The following DNAI4 variants were observed in gnomAD, a reference collection of about 807,000 sequenced individuals.
DNAI4 encodes dynein axonemal intermediate chain 4.
Under a neutral mutation model 105.8 loss-of-function variants are expected in DNAI4, and 85 were observed. The observed-to-expected ratio is 0.80, with a 90% CI of 0.67 to 0.96. The LOEUF (loss-of-function observed/expected upper bound fraction) is 0.96, where lower values mean the gene tolerates loss of function less well. Ranked by LOEUF, DNAI4 falls within the 40% of genes least tolerant of loss-of-function variation. The pLI is 0.00. For synonymous variants in DNAI4, 352 were observed against 331.5 expected, an observed-to-expected ratio of 1.06 and a Z score of -0.67; for missense variants, 1,014 against 1,005.6, an observed-to-expected ratio of 1.01 and a Z score of -0.11.
At chr1:66,836,838 C>G (rs916556954) in intron 10 of DNAI4, among the ~76,000 whole-genome samples, 1 of 152,180 alleles carries the variant, frequency 6.6e-6, no homozygotes, top group East Asian at 1.9e-4. Flanking sequence ...TGACCCTTCT[C>G]TAAGTTTTCC....
intron 2 of DNAI4, among the ~76,000 whole-genome samples, chr1:66,896,928 G>A (rs1039805316): frequency 2.6e-5 from 4 of 152,206 alleles, no homozygotes; most frequent in Non-Finnish European, 5.9e-5. Context: ...TGTAGAAGTG[G>A]CTTTGGAACT....
intron 8 of DNAI4, among the ~76,000 whole-genome samples, chr1:66,841,121 A>G (rs561289335): frequency 1.5e-4 from 23 of 152,032 alleles, no homozygotes; most frequent in Non-Finnish European, 1.8e-4. Flanking sequence ...TACTTCCCAC[A>G]CTCTGACAGG....
rs1051650981 is a variant in DNAI4 at position 66,851,121 on chromosome 1, A to G, written c.1097-3443T>C. ...ACAATAAATTTATTTCAAATATACAATGTAGATAGGTTGAAAGTAAACAAA... is the reference window on the plus strand; with the variant it reads ...ACAATAAATTTATTTCAAATATACAGTGTAGATAGGTTGAAAGTAAACAAA... On this transcript the variant is annotated intron_variant, in intron 7 of 16. Transcript: ENST00000371026. Among the ~76,000 whole-genome samples the G allele has an allele frequency of 8.6e-5, 13 of 151,932 alleles. 1 individual carries two copies. The highest frequency in any genetic ancestry group is 7.2e-4 in the Admixed American group (11 of 15,250).
chr1:66,843,202 A>AC (rs1267908831), intron 8 of DNAI4, among the ~76,000 whole-genome samples: 53 of 118,408 alleles, frequency 4.5e-4, no homozygotes, highest in Non-Finnish European at 8.6e-4. Flanking sequence ...TCTGTCTCAA[A>AC]AAAAAAAAAA....
At chr1:66,845,020 C>G (rs1646240380) in intron 8 of DNAI4, among the ~76,000 whole-genome samples, 1 of 151,546 alleles carries the variant, frequency 6.6e-6, no homozygotes, top group South Asian at 2.1e-4. Context: ...ACGGTGAAAC[C>G]CGGTCTCTAC....
intron 6 of DNAI4, among the ~76,000 whole-genome samples, chr1:66,867,205 T>A (rs1036451975): frequency 1.3e-5 from 2 of 152,214 alleles, no homozygotes; most frequent in Non-Finnish European, 2.9e-5. Flanking sequence ...TCTGATGTCT[T>A]GTTCTCTACA....
intron 2 of DNAI4, among the ~76,000 whole-genome samples, chr1:66,894,475 T>C (rs1213233122): frequency 6.6e-6 from 1 of 152,260 alleles, no homozygotes; most frequent in East Asian, 1.9e-4. Context: ...TATGGTATAT[T>C]TGATGAATAT....
In DNAI4 at chr1:66,875,178, A is replaced by G. The variant is rs372928892; in HGVS notation, c.644-241T>C. Among the ~76,000 whole-genome samples, 12 of 152,278 alleles carry G rather than the reference A, an allele frequency of 7.9e-5. No individual in the cohort carries two copies. In the South Asian group the frequency reaches 1.9e-3, roughly 24 times the overall value. ...CTACCCCAGTCTAATACCAATAGTCATAACTCTAAGGGTATTCCATTATAA... is the reference window on the plus strand; with the variant it reads ...CTACCCCAGTCTAATACCAATAGTCGTAACTCTAAGGGTATTCCATTATAA... On this transcript the variant is annotated intron_variant, in intron 4 of 16. Transcript: ENST00000371026.
intron 7 of DNAI4, among the ~76,000 whole-genome samples, chr1:66,855,189 A>T (rs1646475700): frequency 6.6e-6 from 1 of 152,112 alleles, no homozygotes; most frequent in Non-Finnish European, 1.5e-5. Context: ...CCCAGAACCC[A>T]CTGAAATTAC....
rs777239898 is a variant in DNAI4 at position 66,833,698 on chromosome 1, G to A, written c.1900C>T (p.Arg634Ter). Residue 634 changes from arginine (R) to a stop codon, truncating the protein, a stop_gained, in exon 13 of 17, where the codon CGA (arginine) becomes TGA (stop). Coordinates refer to ENST00000371026, the MANE Select transcript of DNAI4 (RefSeq NM_024763.5). LOFTEE classifies it high-confidence loss of function. ...RKGLDCYDLM[R>*]LKRTTAASNK... ...CTGGCAGCTGTAGTTCTCTTTAATC[G>A]CATCAAATCTGTATTTAAAGAAAAA... is the stretch of plus-strand genomic sequence containing the variant. The A allele has an allele frequency of 5.9e-5, 95 of 1,610,266 alleles. No individual in the cohort carries two copies. Among genetic ancestry groups the A allele is most frequent in the East Asian group, 8.9e-5 (4 of 44,790 alleles).
chr1:66,876,797 G>A (rs1053599359), intron 4 of DNAI4, among the ~76,000 whole-genome samples: 5 of 151,550 alleles, frequency 3.3e-5, no homozygotes, highest in Admixed American at 3.3e-4. Flanking sequence ...TGCTCCTCTT[G>A]ACTGCCAATG....
Position 66,835,626 on chromosome 1 carries a change from C to T in DNAI4, c.1733G>A (p.Ser578Asn), listed in dbSNP as rs1306488062. Reference protein sequence around the residue: ...SNSNVPVLDSSESPQKHLGPV... With the variant: ...SNSNVPVLDSNESPQKHLGPV... Reference sequence around the variant, plus strand: ...ATTTATCTAATTCTCGGATTCTTACCTACTATCCAGAACTGGAACATTACT... The same window carrying T: ...ATTTATCTAATTCTCGGATTCTTACTTACTATCCAGAACTGGAACATTACT... The change falls in exon 11 of 17, where the codon AGT becomes AAT. Residue 578 changes from serine to asparagine, a missense_variant and splice_region_variant. By Grantham distance (46) the Ser-to-Asn change is conservative. Coordinates refer to ENST00000371026, the MANE Select transcript of DNAI4 (RefSeq NM_024763.5). 1 of 1,613,494 alleles carries T rather than the reference C, an allele frequency of 6.2e-7. No homozygotes were observed. Among genetic ancestry groups the T allele is most frequent in the Non-Finnish European group, 8.5e-7 (1 of 1,179,812 alleles).
intron 16 of DNAI4, among the ~76,000 whole-genome samples, 178 bp downstream of exon 16, chr1:66,822,183 G>GA (rs34707377): frequency 3.8e-4 from 56 of 147,390 alleles, no homozygotes; most frequent in East Asian, 1.8e-3. Flanking sequence ...AGACGAGGCT[G>GA]AAAAAAAAAA....
intron 6 of DNAI4, among the ~76,000 whole-genome samples, chr1:66,869,392 C>A (rs2100647245): frequency 6.6e-6 from 1 of 151,786 alleles, no homozygotes; most frequent in South Asian, 2.1e-4. Flanking sequence ...AAGTTACATA[C>A]AGTAATCCAT....
At chr1:66,905,164 C>A in intron 2 of DNAI4, 37 bp downstream of exon 2, 1 of 1,415,916 alleles carries the variant, frequency 7.1e-7, no homozygotes, top group Non-Finnish European at 9.5e-7. Flanking sequence ...TTTCACAGTG[C>A]CATTTTCAAA....
At chr1:66,873,828 G>A (rs1646901184) in intron 5 of DNAI4, among the ~76,000 whole-genome samples, 1 of 131,848 alleles carries the variant, frequency 7.6e-6, no homozygotes, top group East Asian at 2.1e-4. Context: ...GCAATTATCT[G>A]TCCCTTTCTT....
chr1:66,837,752 T>A lies in DNAI4; in HGVS notation c.1539A>T (p.Gln513His). 6.2e-7 allele frequency: 1 copy of A among 1,610,024 alleles called. No individual in the cohort carries two copies. The highest frequency in any genetic ancestry group is 8.5e-7 in the Non-Finnish European group (1 of 1,178,644). ...VGYGHFGFKE[Q>H]KRGLACCWSI... ...ACCAGCAGCAAGCCAGTCCTCTTTT[T>A]TGCTCTTTAAATCCAAAGTGCCCAT... The change falls in exon 10 of 17, where the codon CAA (glutamine) becomes CAT (histidine). Residue 513 changes from glutamine to histidine, a missense_variant. Coordinates refer to ENST00000371026, the MANE Select transcript of DNAI4 (RefSeq NM_024763.5).
intron 2 of DNAI4, among the ~76,000 whole-genome samples, chr1:66,904,489 G>A (rs1477781616): frequency 6.6e-6 from 1 of 152,066 alleles, no homozygotes; most frequent in African/African-American, 2.4e-5. Context: ...CTACTCTGGT[G>A]AAGTGTTAGC....
At chr1:66,842,574 G>T (rs570034498) in intron 8 of DNAI4, among the ~76,000 whole-genome samples, 2 of 152,018 alleles carry the variant, frequency 1.3e-5, no homozygotes, top group African/African-American at 4.8e-5. Flanking sequence ...TGTATTTTTA[G>T]TAAGTAGAGC....
Sources: allele counts gnomAD v4.1 joint callset (sites outside exome capture counted in the v4.1 genomes callset), GRCh38; gene constraint gnomAD v4.1.1; transcripts MANE v1.5; gene names NCBI Gene and HGNC (gene_info 2026-07-23, HGNC 2026-07-21).